TBC1D22A: variants seen among roughly 807,000 people sequenced by gnomAD.
The protein encoded by TBC1D22A is TBC1 domain family member 22A, also known as putative GTPase activator.
Under a neutral mutation model 60.2 loss-of-function variants are expected in TBC1D22A, and 38 were observed. The ratio of observed to expected loss-of-function variants is 0.63; its 90% CI spans 0.49 to 0.83. The LOEUF is 0.83. Among genes scored for constraint, TBC1D22A ranks in the 40% least tolerant of loss-of-function variants. The probability of loss-of-function intolerance (pLI) is 0.00; values close to 1 mark genes in which losing one functional copy is unlikely to be tolerated. For synonymous variants in TBC1D22A, 302 were observed against 281.7 expected (o/e 1.07, Z -0.72); for missense variants, 628 against 701.0 (o/e 0.90, Z 1.18).
chr22:46,832,893 A>G (rs1039800655), intron 4 of TBC1D22A, among the ~76,000 whole-genome samples: 1 of 152,134 alleles, frequency 6.6e-6, no homozygotes, highest in Non-Finnish European at 1.5e-5. Context: ...TGTGAGGAAG[A>G]AGGGATAGAA....
intron 6 of TBC1D22A, 114 bp from the exon 7 acceptor site, chr22:46,894,670 G>C (rs1466933684): frequency 1.6e-6 from 2 of 1,223,580 alleles, no homozygotes; most frequent in Admixed American, 3.5e-5. Context: ...CTCAAGGAGA[G>C]AGCGGGGTAG....
intron 11 of TBC1D22A, among the ~76,000 whole-genome samples, chr22:47,086,311 C>T (rs764162951): frequency 3.3e-5 from 5 of 152,114 alleles, no homozygotes; most frequent in African/African-American, 7.2e-5. Context: ...CAAAATTAGC[C>T]GGGCGTGGTG....
intron 9 of TBC1D22A, among the ~76,000 whole-genome samples, chr22:46,984,984 T>C (rs1024235845): frequency 6.6e-6 from 1 of 152,170 alleles, no homozygotes; most frequent in African/African-American, 2.4e-5. Flanking sequence ...CTTACAGTGC[T>C]TGCTCCCAGA....
At chr22:47,115,094 T>C (rs1370539433) in intron 12 of TBC1D22A, among the ~76,000 whole-genome samples, 1 of 152,134 alleles carries the variant, frequency 6.6e-6, no homozygotes, top group Non-Finnish European at 1.5e-5. Context: ...GGATTGGTGC[T>C]GCACTCTGGG....
intron 12 of TBC1D22A, among the ~76,000 whole-genome samples, chr22:47,164,381 C>T (rs541917510): frequency 1.3e-5 from 2 of 152,384 alleles, no homozygotes; most frequent in African/African-American, 2.4e-5. Flanking sequence ...TCCAGGGCAG[C>T]CCCTCGTCAC....
intron 12 of TBC1D22A, among the ~76,000 whole-genome samples, chr22:47,165,444 C>T (rs1175411627): frequency 6.6e-6 from 1 of 152,316 alleles, no homozygotes; most frequent in East Asian, 1.9e-4. Context: ...GCTCCCCTCG[C>T]CATCGCCATC....
At chr22:47,033,522 G>T (rs141949378) in intron 10 of TBC1D22A, among the ~76,000 whole-genome samples, 5 of 152,090 alleles carry the variant, frequency 3.3e-5, no homozygotes, top group African/African-American at 1.2e-4. Context: ...AAACAAAGGC[G>T]ACACAGACCT....
intron 10 of TBC1D22A, among the ~76,000 whole-genome samples, chr22:47,023,866 A>G (rs1405032835): frequency 1.3e-5 from 2 of 152,262 alleles, no homozygotes; most frequent in Admixed American, 1.3e-4. Context: ...TGGAAGGAAT[A>G]TGGTCCTAGA....
chr22:46,779,126 A>G (rs2083828986), intron 1 of TBC1D22A, among the ~76,000 whole-genome samples: 1 of 152,280 alleles, frequency 6.6e-6, no homozygotes, highest in Admixed American at 6.5e-5. Flanking sequence ...ATGATCAAGT[A>G]TTACGTACAG....
intron 1 of TBC1D22A, among the ~76,000 whole-genome samples, chr22:46,783,442 A>G (rs1033502661): frequency 1.3e-5 from 2 of 152,210 alleles, no homozygotes; most frequent in African/African-American, 4.8e-5. Context: ...AGGCTGATGT[A>G]ATACAGAACA....
chr22:47,113,365 C>T lies in TBC1D22A; in HGVS notation c.1425+1762C>T, dbSNP rs552358523. On this transcript the variant is annotated intron_variant, in intron 12 of 12. Coordinates refer to ENST00000337137, the MANE Select transcript of TBC1D22A (RefSeq NM_014346.5). ...CTGGCTGGCTGGGGAGCTCTGTTCCCTGGAGGCCCTGGGCAGACATTGCTG... is the reference window on the plus strand; with the variant it reads ...CTGGCTGGCTGGGGAGCTCTGTTCCTTGGAGGCCCTGGGCAGACATTGCTG... 3.3e-5 allele frequency among the ~76,000 whole-genome samples: 5 copies of T among 152,326 alleles called. No homozygotes were observed. In the East Asian group the frequency reaches 7.7e-4, roughly 24 times the overall value.
At chr22:47,129,603 C>T (rs1291189324) in intron 12 of TBC1D22A, among the ~76,000 whole-genome samples, 2 of 152,228 alleles carry the variant, frequency 1.3e-5, no homozygotes, top group Non-Finnish European at 2.9e-5. Flanking sequence ...ATTTTCCTGT[C>T]ACCTTACATT....
chr22:46,793,338 T>C (rs756373247), intron 2 of TBC1D22A, among the ~76,000 whole-genome samples, 163 bp from the exon 3 acceptor site: 2 of 152,244 alleles, frequency 1.3e-5, no homozygotes, highest in African/African-American at 4.8e-5. Flanking sequence ...TCGCCTGCTC[T>C]TCTTTTGGCT....
intron 8 of TBC1D22A, among the ~76,000 whole-genome samples, chr22:46,946,512 A>G (rs136063): frequency 0.44 from 66,457 of 151,938 alleles, 15,378 homozygotes; most frequent in African/African-American, 0.6. Flanking sequence ...GATGGAGAGT[A>G]GATAGAGCTG....
At chr22:47,091,350 G>A (rs1168220303) in intron 11 of TBC1D22A, among the ~76,000 whole-genome samples, 11 of 100,966 alleles carry the variant, frequency 1.1e-4, no homozygotes, top group South Asian at 7.7e-4. Context: ...AGTCGTCTTT[G>A]GGGGGAGTGG....
intron 11 of TBC1D22A, among the ~76,000 whole-genome samples, chr22:47,039,463 A>G (rs1481310098): frequency 2.6e-5 from 4 of 152,160 alleles, no homozygotes; most frequent in Non-Finnish European, 5.9e-5. Context: ...GTTACTCTTT[A>G]ACCCCTTACA....
intron 4 of TBC1D22A, among the ~76,000 whole-genome samples, chr22:46,811,596 G>A (rs1425544331): frequency 9.9e-5 from 15 of 152,176 alleles, no homozygotes; most frequent in Non-Finnish European, 2.9e-5. Context: ...ACGGTGTATC[G>A]AGCTGCGTGC....
chr22:46,836,855 T>G (rs995936594), intron 4 of TBC1D22A, among the ~76,000 whole-genome samples: 9 of 152,038 alleles, frequency 5.9e-5, no homozygotes, highest in Non-Finnish European at 1.0e-4. Context: ...AAATAGACAT[T>G]AAGTTAAAAA....
At chr22:47,138,339 G>A (rs951687540) in intron 12 of TBC1D22A, among the ~76,000 whole-genome samples, 2 of 152,172 alleles carry the variant, frequency 1.3e-5, no homozygotes, top group Admixed American at 1.3e-4. Flanking sequence ...CGTGGACAGT[G>A]ATGGACCTGC....
Sources: gnomAD v4.1 joint callset for allele counts (sites outside exome capture counted in the v4.1 genomes callset) on GRCh38, gnomAD v4.1.1 for gene constraint, MANE v1.5 for transcripts, NCBI Gene and HGNC (gene_info 2026-07-23, HGNC 2026-07-21) for gene names.